The following RALYL variants were observed in gnomAD, a reference collection of about 807,000 sequenced individuals.
The protein encoded by RALYL is RALY RNA binding protein like, also known as RNA-binding Raly-like protein.
In RALYL, 29 loss-of-function variants were observed where a neutral mutation model predicts 35.1. The ratio of observed to expected loss-of-function variants is 0.83; its 90% CI spans 0.61 to 1.13. RALYL has a LOEUF of 1.13. Among genes scored for constraint, RALYL ranks in the 50% most tolerant of loss-of-function variants. The pLI, the probability that RALYL is intolerant of heterozygous loss-of-function variation, is 0.00. For synonymous variants in RALYL, 120 were observed against 127.6 expected, an observed-to-expected ratio of 0.94 and a Z score of 0.40; for missense variants, 359 against 360.4, an observed-to-expected ratio of 1.00 and a Z score of 0.03.
At chr8:84,605,602 T>C (rs1412514615) in intron 2 of RALYL, among the ~76,000 whole-genome samples, 2 of 152,084 alleles carry the variant, frequency 1.3e-5, no homozygotes, top group Non-Finnish European at 1.5e-5. Context: ...GGCAGATAGG[T>C]TCTATGCCCA....
intron 2 of RALYL, among the ~76,000 whole-genome samples, chr8:84,639,183 C>T (rs367977209): frequency 2.0e-5 from 3 of 151,434 alleles, no homozygotes; most frequent in Non-Finnish European, 2.9e-5. Context: ...ATTAAAGCTA[C>T]AGTTGCTTGT....
intron 1 of RALYL, among the ~76,000 whole-genome samples, chr8:84,453,225 C>A (rs550694526): frequency 5.3e-5 from 8 of 151,854 alleles, no homozygotes; most frequent in Non-Finnish European, 1.2e-4. Flanking sequence ...TATATACACA[C>A]ATATATAATT....
At chr8:84,495,575 G>A (rs186385971) in intron 1 of RALYL, among the ~76,000 whole-genome samples, 44 of 151,978 alleles carry the variant, frequency 2.9e-4, no homozygotes, top group Non-Finnish European at 3.4e-4. Context: ...CCTGGCATAC[G>A]GAAGCTTTTA....
chr8:84,185,052 C>G (rs1812154177), intron 1 of RALYL: 10 of 1,608,940 alleles, frequency 6.2e-6, no homozygotes, highest in Non-Finnish European at 8.5e-6. Flanking sequence ...TACCAAAGGG[C>G]TTTGCTTTCT....
intron 1 of RALYL, among the ~76,000 whole-genome samples, chr8:84,316,403 A>T (rs1263615581): frequency 2.0e-5 from 3 of 152,152 alleles, no homozygotes; most frequent in Non-Finnish European, 2.9e-5. Context: ...AAGCTAAATT[A>T]TATTTCCATA....
intron 1 of RALYL, among the ~76,000 whole-genome samples, chr8:84,226,179 A>G (rs962413099): frequency 5.9e-5 from 9 of 152,146 alleles, no homozygotes; most frequent in Admixed American, 5.9e-4. Context: ...TCAACTGTGC[A>G]TGCAACGGAT....
intron 2 of RALYL, among the ~76,000 whole-genome samples, chr8:84,669,497 C>A (rs1307143244): frequency 1.0e-5 from 1 of 100,436 alleles, no homozygotes; most frequent in Non-Finnish European, 2.1e-5. Context: ...TCCCCCCCCC[C>A]CCACTCTATT....
At chr8:84,716,317 A>G (rs1034226425) in intron 2 of RALYL, among the ~76,000 whole-genome samples, 5 of 152,154 alleles carry the variant, frequency 3.3e-5, no homozygotes, top group African/African-American at 1.2e-4. Flanking sequence ...CATACATACT[A>G]CATGGAATAT....
intron 1 of RALYL, among the ~76,000 whole-genome samples, chr8:84,440,225 C>A (rs979148981): frequency 6.6e-6 from 1 of 152,064 alleles, no homozygotes; most frequent in Admixed American, 6.6e-5. Context: ...ATTTTCATAA[C>A]TTTATGCAAA....
intron 1 of RALYL, among the ~76,000 whole-genome samples, chr8:84,334,177 C>A (rs566812597): frequency 6.6e-6 from 1 of 152,138 alleles, no homozygotes; most frequent in African/African-American, 2.4e-5. Context: ...AGCCACCTCA[C>A]CAGGCCATGT....
intron 1 of RALYL, among the ~76,000 whole-genome samples, chr8:84,403,641 G>A (rs1437394831): frequency 3.0e-5 from 4 of 134,066 alleles, no homozygotes; most frequent in African/African-American, 1.1e-4. Flanking sequence ...TGTTCTTTTT[G>A]CTTAGGATCA....
At position 84,556,697 on chromosome 8, in the gene RALYL, A is replaced by G. The variant is rs141048826; in HGVS notation, c.256+27120A>G. Among the ~76,000 whole-genome samples the G allele has an allele frequency of 9.0e-3, 1,366 of 152,288 alleles. 18 individuals are homozygous for G. Among genetic ancestry groups the G allele is most frequent in the Middle Eastern group, 0.027 (8 of 294 alleles). Reference sequence around the variant, plus strand: ...TTTGGCTAATAGAACACAAGTGAACATGATATACACCACCTCTGAGTGGTG... The same window carrying G: ...TTTGGCTAATAGAACACAAGTGAACGTGATATACACCACCTCTGAGTGGTG... On this transcript the variant is annotated intron_variant, in intron 2 of 8. Coordinates refer to ENST00000521268, the MANE Select transcript of RALYL (RefSeq NM_173848.7).
chr8:84,399,712 T>G (rs1409554933), intron 1 of RALYL, among the ~76,000 whole-genome samples: 1 of 152,174 alleles, frequency 6.6e-6, no homozygotes, highest in Non-Finnish European at 1.5e-5. Context: ...GTAATTACAT[T>G]GTAATCACAA....
intron 3 of RALYL, among the ~76,000 whole-genome samples, chr8:84,784,559 A>C (rs1461477529): frequency 6.6e-6 from 1 of 152,222 alleles, no homozygotes; most frequent in African/African-American, 2.4e-5. Context: ...AGGTTATATA[A>C]ATATTTTTAA....
At chr8:84,535,602 A>ATTATTTTATTTTATTTTATT (rs71273903) in intron 2 of RALYL, among the ~76,000 whole-genome samples, 37,577 of 138,202 alleles carry the variant, frequency 0.27, 5,539 homozygotes, top group South Asian at 0.42. Context: ...CGCCCGGCTA[A>ATTATTTTATTTTATTTTATT]TTATTTTATT....
At chr8:84,822,772 G>A (rs1017855005) in intron 4 of RALYL, among the ~76,000 whole-genome samples, 28 of 152,082 alleles carry the variant, frequency 1.8e-4, no homozygotes, top group Non-Finnish European at 1.2e-4. Flanking sequence ...TAAAAGCATC[G>A]TTAATTGCCT....
At chr8:84,341,969 T>C (rs1368895740) in intron 1 of RALYL, among the ~76,000 whole-genome samples, 3 of 151,852 alleles carry the variant, frequency 2.0e-5, no homozygotes, top group Non-Finnish European at 4.4e-5. Context: ...GATAACCTAG[T>C]GTAACTAACA....
chr8:84,428,042 G>T (rs1587140342), intron 1 of RALYL, among the ~76,000 whole-genome samples: 2 of 149,104 alleles, frequency 1.3e-5, no homozygotes, highest in Non-Finnish European at 3.0e-5. Context: ...ACCAAACAAG[G>T]TCTTATTGAT....
rs184909424 is a variant in RALYL, at chr8:84,749,110, A to G, written c.257-25469A>G. On this transcript the variant is annotated intron_variant, in intron 2 of 8. Coordinates refer to ENST00000521268, the MANE Select transcript of RALYL (RefSeq NM_173848.7). ...GTACTAAAGTGTTTAAAAAAAACTT[A>G]CATCACAAATGTTCAAAAAATGCAG... 1.6e-3 allele frequency among the ~76,000 whole-genome samples: 238 copies of G among 152,336 alleles called. 1 individual carries two copies. The highest frequency in any genetic ancestry group is 5.4e-3 in the African/African-American group (223 of 41,578).
Sources: allele counts gnomAD v4.1 joint callset (sites outside exome capture counted in the v4.1 genomes callset), GRCh38; gene constraint gnomAD v4.1.1; transcripts MANE v1.5; gene names NCBI Gene and HGNC (gene_info 2026-07-23, HGNC 2026-07-21).